UNC5D: variants seen among roughly 807,000 people sequenced by gnomAD.
UNC5D encodes netrin receptor UNC5D.
UNC5D carries 39 observed loss-of-function variants against 105.4 expected under a neutral mutation model. The observed-to-expected ratio is 0.37, with a 90% CI of 0.29 to 0.48. The LOEUF (loss-of-function observed/expected upper bound fraction) is 0.48, where lower values mean the gene tolerates loss of function less well. Among genes scored for constraint, UNC5D ranks in the 20% least tolerant of loss-of-function variants. UNC5D has a pLI of 0.98. For missense variants in UNC5D, 991 were observed against 1,202.4 expected, an observed-to-expected ratio of 0.82 and a Z score of 2.60; for synonymous variants, 452 against 450.4, an observed-to-expected ratio of 1.00 and a Z score of -0.04.
chr8:35,725,835 C>A (rs1828828953), intron 9 of UNC5D, among the ~76,000 whole-genome samples: 1 of 152,172 alleles, frequency 6.6e-6, no homozygotes, highest in African/African-American at 2.4e-5. Flanking sequence ...GAAATAATCA[C>A]ATAAACAATA....
At chr8:35,720,664 A>G (rs1309180174) in intron 8 of UNC5D, among the ~76,000 whole-genome samples, 2 of 152,180 alleles carry the variant, frequency 1.3e-5, no homozygotes, top group Non-Finnish European at 2.9e-5. Context: ...GCTGACGTTT[A>G]TCAACTCAGC....
intron 1 of UNC5D, among the ~76,000 whole-genome samples, chr8:35,509,670 CAGAAT>C (rs1377313783): frequency 6.6e-6 from 1 of 151,376 alleles, no homozygotes; most frequent in African/African-American, 2.4e-5. Context: ...TACCACAACA[CAGAAT>C]ACTTCTGTGA....
At chr8:35,506,266 G>C (rs180850173) in intron 1 of UNC5D, among the ~76,000 whole-genome samples, 2 of 152,292 alleles carry the variant, frequency 1.3e-5, no homozygotes, top group African/African-American at 4.8e-5. Context: ...AGACACAACA[G>C]TGTTCAGAAG....
At chr8:35,401,522 T>C (rs946727438) in intron 1 of UNC5D, among the ~76,000 whole-genome samples, 8 of 152,148 alleles carry the variant, frequency 5.3e-5, no homozygotes, top group African/African-American at 1.7e-4. Context: ...ACTTGACAGA[T>C]GAACGAGACA....
At position 35,408,510 on chromosome 8, in the gene UNC5D, G is replaced by C. The variant is rs1488787666; in HGVS notation, c.104-140782G>C. Among the ~76,000 whole-genome samples the C allele has an allele frequency of 2.0e-5, 3 of 150,674 alleles. No individual in the cohort carries two copies. In the East Asian group the frequency reaches 5.9e-4, roughly 29 times the overall value. On this transcript the variant is annotated intron_variant, in intron 1 of 16. Coordinates refer to ENST00000404895, the MANE Select transcript of UNC5D (RefSeq NM_080872.4). Reference sequence around the variant, plus strand: ...ATGTTAAATGAAAATTACATGGTGAGCCATACTTGGACAATTGGCCCCTAT... The same window carrying C: ...ATGTTAAATGAAAATTACATGGTGACCCATACTTGGACAATTGGCCCCTAT...
chr8:35,696,538 A>G (rs1826791590), intron 7 of UNC5D, among the ~76,000 whole-genome samples: 1 of 152,140 alleles, frequency 6.6e-6, no homozygotes, highest in Non-Finnish European at 1.5e-5. Flanking sequence ...TGGCTATAAA[A>G]GAAGTGGCAA....
At chr8:35,648,916 G>A (rs982928980) in intron 4 of UNC5D, among the ~76,000 whole-genome samples, 1 of 152,054 alleles carries the variant, frequency 6.6e-6, no homozygotes, top group African/African-American at 2.4e-5. Flanking sequence ...ATTATAATCT[G>A]AAATATCTAA....
At chr8:35,463,644 G>T (rs958098866) in intron 1 of UNC5D, among the ~76,000 whole-genome samples, 2 of 151,148 alleles carry the variant, frequency 1.3e-5, no homozygotes, top group East Asian at 1.9e-4. Flanking sequence ...AAGCTAGCCA[G>T]GTGTGGTGGC....
At position 35,684,579 on chromosome 8, in the gene UNC5D, C is replaced by T. The variant is rs1041348398; in HGVS notation, c.752-3C>T. On this transcript the variant is annotated splice_polypyrimidine_tract_variant and splice_region_variant and intron_variant, in intron 5 of 16. Transcript: ENST00000404895. Reference sequence around the variant, plus strand: ...TTCTCCCCTCCCCATTTTTCTCTCTCAGTGAATGGAGGCTGGTCTTCCTGG... The same window carrying T: ...TTCTCCCCTCCCCATTTTTCTCTCTTAGTGAATGGAGGCTGGTCTTCCTGG... 1 of 1,606,800 alleles carries T rather than the reference C, an allele frequency of 6.2e-7. No homozygotes were observed. The highest frequency in any genetic ancestry group is 2.2e-5 in the East Asian group (1 of 44,782).
At chr8:35,677,405 A>C (rs931258280) in intron 4 of UNC5D, among the ~76,000 whole-genome samples, 6 of 152,072 alleles carry the variant, frequency 3.9e-5, no homozygotes, top group Non-Finnish European at 8.8e-5. Context: ...GCACCACTTC[A>C]CTGATTTATG....
intron 1 of UNC5D, among the ~76,000 whole-genome samples, chr8:35,287,244 G>T (rs1806665396): frequency 6.6e-6 from 1 of 152,242 alleles, no homozygotes; most frequent in African/African-American, 2.4e-5. Context: ...ACCACCAAAA[G>T]AAACCAATAA....
chr8:35,429,793 C>T (rs1806500929), intron 1 of UNC5D, among the ~76,000 whole-genome samples: 1 of 152,102 alleles, frequency 6.6e-6, no homozygotes, highest in Admixed American at 6.6e-5. Context: ...TACCCTAGTC[C>T]CCAGCCCATG....
At chr8:35,670,243 T>C (rs1824691214) in intron 4 of UNC5D, among the ~76,000 whole-genome samples, 1 of 152,132 alleles carries the variant, frequency 6.6e-6, no homozygotes, top group Non-Finnish European at 1.5e-5. Flanking sequence ...TTAATGACCT[T>C]AGCAAGAGCC....
intron 1 of UNC5D, among the ~76,000 whole-genome samples, chr8:35,498,885 C>T (rs1811791198): frequency 2.0e-5 from 3 of 151,924 alleles, no homozygotes; most frequent in Non-Finnish European, 4.4e-5. Flanking sequence ...TCTTTTTTCC[C>T]TATTAGATCC....
intron 11 of UNC5D, among the ~76,000 whole-genome samples, chr8:35,745,532 G>A (rs899309350): frequency 6.6e-6 from 1 of 152,128 alleles, no homozygotes; most frequent in Non-Finnish European, 1.5e-5. Context: ...AAGTCAAAGC[G>A]TACACTGATG....
At chr8:35,335,802 C>CG (rs1485095825) in intron 1 of UNC5D, among the ~76,000 whole-genome samples, 1 of 117,916 alleles carries the variant, frequency 8.5e-6, no homozygotes, top group Non-Finnish European at 1.6e-5. Flanking sequence ...GTCGCTCTGT[C>CG]GCCCAGGCTG....
chr8:35,546,574 A>G (rs1815698281), intron 1 of UNC5D, among the ~76,000 whole-genome samples: 1 of 152,218 alleles, frequency 6.6e-6, no homozygotes, highest in Non-Finnish European at 1.5e-5. Flanking sequence ...CCTTTTATGA[A>G]TTGAACAATG....
chr8:35,397,228 G>T (rs1183466786), intron 1 of UNC5D, among the ~76,000 whole-genome samples: 2 of 152,150 alleles, frequency 1.3e-5, no homozygotes, highest in African/African-American at 2.4e-5. Context: ...TTTTATTGGA[G>T]GCTGATCCTG....
At chr8:35,259,762 T>A (rs1000583919) in intron 1 of UNC5D, among the ~76,000 whole-genome samples, 26 of 151,520 alleles carry the variant, frequency 1.7e-4, no homozygotes, top group African/African-American at 5.8e-4. Flanking sequence ...TTTTTTTTTT[T>A]AAATGCTGTA....
Sources: gnomAD v4.1 joint callset for allele counts (sites outside exome capture counted in the v4.1 genomes callset) on GRCh38, gnomAD v4.1.1 for gene constraint, MANE v1.5 for transcripts, NCBI Gene and HGNC (gene_info 2026-07-23, HGNC 2026-07-21) for gene names.